Variants in DNAJC24 observed in about 807,000 individuals in gnomAD.
DNAJC24 encodes the protein dnaJ homolog subfamily C member 24.
DNAJC24 carries 17 observed loss-of-function variants against 18.0 expected under a neutral mutation model. That is an observed-to-expected ratio of 0.94 (90% CI 0.65 to 1.42). DNAJC24 has a LOEUF of 1.42. DNAJC24 is among the 40% of genes most tolerant of loss of function. DNAJC24 has a pLI of 0.00. For missense variants in DNAJC24, 158 were observed against 175.6 expected (o/e 0.90, Z 0.57); for synonymous variants, 55 against 57.7 (o/e 0.95, Z 0.21).
chr11:31,401,230 TG>T (rs1952598373), intron 2 of DNAJC24, among the ~76,000 whole-genome samples: 3 of 152,184 alleles, frequency 2.0e-5, no homozygotes, highest in Admixed American at 2.0e-4. Context: ...AAACAATAGA[TG>T]CTGGCAAGGC....
intron 2 of DNAJC24, among the ~76,000 whole-genome samples, chr11:31,379,352 A>G (rs1158111368): frequency 1.3e-5 from 2 of 152,168 alleles, no homozygotes; most frequent in Non-Finnish European, 2.9e-5. Context: ...AATCTAATTA[A>G]TGCCTGATGA....
intron 2 of DNAJC24, among the ~76,000 whole-genome samples, chr11:31,396,962 T>C (rs1952547827): frequency 1.3e-5 from 2 of 152,238 alleles, no homozygotes; most frequent in African/African-American, 2.4e-5. Context: ...CTCCCTGGAA[T>C]ACCTTTCCTT....
intron 2 of DNAJC24, among the ~76,000 whole-genome samples, chr11:31,381,999 T>C (rs1263723725): frequency 6.6e-6 from 1 of 152,194 alleles, no homozygotes; most frequent in African/African-American, 2.4e-5. Context: ...TTTATGAGGA[T>C]TGAAACAATG....
intron 2 of DNAJC24, among the ~76,000 whole-genome samples, chr11:31,378,630 C>G (rs1305679350): frequency 6.6e-6 from 1 of 151,734 alleles, no homozygotes; most frequent in African/African-American, 2.4e-5. Flanking sequence ...TAAAAAAAAG[C>G]AGGCAGTCAG....
At chr11:31,385,690 A>G (rs1300836073) in intron 2 of DNAJC24, among the ~76,000 whole-genome samples, 1 of 152,162 alleles carries the variant, frequency 6.6e-6, no homozygotes, top group Non-Finnish European at 1.5e-5. Context: ...CCCTCTTTTG[A>G]CAAGATTGTG....
chr11:31,384,435 A>C (rs1222097615), intron 2 of DNAJC24, among the ~76,000 whole-genome samples: 1 of 152,182 alleles, frequency 6.6e-6, no homozygotes, highest in Admixed American at 6.6e-5. Context: ...CACCAACTTC[A>C]TGGACTCAAT....
intron 2 of DNAJC24, among the ~76,000 whole-genome samples, chr11:31,399,752 T>C (rs532395468): frequency 6.7e-6 from 1 of 148,246 alleles, no homozygotes; most frequent in East Asian, 1.9e-4. Flanking sequence ...TTTTTTTTTT[T>C]TTTTTTTTTA....
At chr11:31,377,635 G>A (rs2133467975) in intron 2 of DNAJC24, among the ~76,000 whole-genome samples, 1 of 151,944 alleles carries the variant, frequency 6.6e-6, no homozygotes, top group East Asian at 1.9e-4. Flanking sequence ...AATGGTCTAG[G>A]GTCCAGAATG....
intron 2 of DNAJC24, chr11:31,385,203 G>C (rs548434164): frequency 6.6e-6 from 1 of 152,252 alleles, no homozygotes; most frequent in South Asian, 2.1e-4. Context: ...TTCAACTGGA[G>C]CAATTTATTA....
At chr11:31,397,055 C>T (rs7129979) in intron 2 of DNAJC24, among the ~76,000 whole-genome samples, 22,939 of 152,212 alleles carry the variant, frequency 0.15, 2,208 homozygotes, top group East Asian at 0.22. Flanking sequence ...ATAAAACCTT[C>T]CCCAACTTAT....
rs769552883 is a variant in DNAJC24 at position 31,370,818 on chromosome 11, A to G, written c.70A>G (p.Ile24Val). Residue 24 changes from isoleucine (I) to valine (V), a missense_variant, in exon 2 of 5, where the codon ATA becomes GTA. By Grantham distance (29) the Ile-to-Val change is conservative (BLOSUM62 3). Transcript: ENST00000465995. ...SILGADPSAN[I>V]SDLKQKYQKL... Reference sequence around the variant, plus strand: ...CCTGGGAGCAGACCCATCTGCAAATATATCAGACCTAAAACAAAAATATCA... The same window carrying G: ...CCTGGGAGCAGACCCATCTGCAAATGTATCAGACCTAAAACAAAAATATCA... 6.2e-7 allele frequency: 1 copy of G among 1,612,506 alleles called. No homozygotes were observed. The highest frequency in any genetic ancestry group is 8.5e-7 in the Non-Finnish European group (1 of 1,179,368).
rs532395820 is a variant in DNAJC24 at position 31,375,861 on chromosome 11, A to G, written c.111+5002A>G. Among the ~76,000 whole-genome samples, 9 of 135,466 alleles carry G rather than the reference A, an allele frequency of 6.6e-5. 1 individual carries two copies. The South Asian group carries it at 2.2e-3, about 34-fold the overall frequency. 88.9% of individuals were successfully genotyped at this position (135,466 alleles called of 152,430 possible). A position where few individuals can be genotyped will look rare whatever the true frequency, so the allele number is the denominator to read the frequency against. On this transcript the variant is annotated intron_variant, in intron 2 of 4. Transcript: ENST00000465995. Reference sequence around the variant, plus strand: ...AATTTCAACTAGCATTATTCTGGGAAGGCTCCTTGTAGATAGCTATGTATA... The same window carrying G: ...AATTTCAACTAGCATTATTCTGGGAGGGCTCCTTGTAGATAGCTATGTATA...
intron 2 of DNAJC24, among the ~76,000 whole-genome samples, chr11:31,378,173 A>G (rs757812769): frequency 2.6e-5 from 4 of 151,168 alleles, no homozygotes; most frequent in Non-Finnish European, 5.9e-5. Context: ...CAGGAAAGGT[A>G]CTTAGGCATT....
At chr11:31,393,453 T>TA (rs1313407696) in intron 2 of DNAJC24, among the ~76,000 whole-genome samples, 1 of 152,162 alleles carries the variant, frequency 6.6e-6, no homozygotes, top group East Asian at 1.9e-4. Flanking sequence ...ACTGTTGTAA[T>TA]GGTGTTAAGT....
In DNAJC24 at chr11:31,374,325, C is replaced by CT. The variant is rs371431553; in HGVS notation, c.111+3477dup. ...AGTAGGTATTTAAATTTGTTAGATC[C>CT]TTTTTTTTTTTGCATTTATTGAATT... On this transcript the variant is annotated intron_variant, in intron 2 of 4. Transcript: ENST00000465995. The CT allele has an allele frequency of 5.7e-3, 716 of 125,286 alleles. 54 individuals carry two copies. The highest frequency in any genetic ancestry group is 0.014 in the South Asian group (69 of 5,018). The allele number at this position is 125,286 out of a possible 1,614,324, so 7.8% of individuals were successfully genotyped here. A position where few individuals can be genotyped will look rare whatever the true frequency, so the allele number is the denominator to read the frequency against.
intron 2 of DNAJC24, among the ~76,000 whole-genome samples, chr11:31,405,061 G>T (rs919338878): frequency 3.1e-4 from 46 of 146,852 alleles, no homozygotes; most frequent in African/African-American, 1.2e-3. Context: ...GCGGCATTAG[G>T]AATTCTTTTT....
intron 2 of DNAJC24, chr11:31,374,057 T>C: frequency 2.8e-6 from 1 of 359,958 alleles, no homozygotes; most frequent in Non-Finnish European, 5.8e-6. Flanking sequence ...GTTTTAATTC[T>C]GTCTTACCAA....
intron 3 of DNAJC24, among the ~76,000 whole-genome samples, chr11:31,423,072 T>A (rs766335043): frequency 6.6e-6 from 1 of 152,248 alleles, no homozygotes; most frequent in Non-Finnish European, 1.5e-5. Flanking sequence ...ATACACTTTC[T>A]TGAATTTCTT....
intron 2 of DNAJC24, among the ~76,000 whole-genome samples, chr11:31,372,135 T>G (rs568705007): frequency 1.1e-3 from 172 of 152,262 alleles, no homozygotes; most frequent in African/African-American, 3.9e-3. Context: ...CTCTTTTTTT[T>G]TTAAATGAAT....
Sources: allele counts gnomAD v4.1 joint callset (sites outside exome capture counted in the v4.1 genomes callset), GRCh38; gene constraint gnomAD v4.1.1; transcripts MANE v1.5; gene names NCBI Gene and HGNC (gene_info 2026-07-23, HGNC 2026-07-21).